Variants in OR10A2 observed in about 807,000 individuals in gnomAD.
OR10A2 encodes olfactory receptor 10A2.
Under a neutral mutation model 13.7 loss-of-function variants are expected in OR10A2, and 15 were observed. The ratio of observed to expected loss-of-function variants is 1.10; its 90% CI spans 0.73 to 1.69. The LOEUF is 1.69. OR10A2 is among the 40% of genes most tolerant of loss of function. The probability of loss-of-function intolerance (pLI) is 0.00; values close to 1 mark genes in which losing one functional copy is unlikely to be tolerated. For synonymous variants in OR10A2, 145 were observed against 144.7 expected (o/e 1.00, Z -0.02); for missense variants, 343 against 361.1 (o/e 0.95, Z 0.41).
rs1048055345 is a variant in OR10A2 at position 6,863,351 on chromosome 11, G to C, written c.-133G>C. ...AAGGCAGATGTTCCTGTTGGACACA[G>C]GTAAGCCTTTTTTTTTTTTTTTTTT... On this transcript the variant is annotated splice_region_variant and 5_prime_UTR_variant, in exon 1 of 2. Coordinates refer to ENST00000641461, the MANE Select transcript of OR10A2 (RefSeq NM_001004460.2). 1 of 142,962 alleles carries C rather than the reference G, an allele frequency of 7.0e-6. No individual in the cohort carries two copies. The allele number at this position is 142,962 out of a possible 1,614,324, so 8.9% of individuals were successfully genotyped here. A position where few individuals can be genotyped will look rare whatever the true frequency, so the allele number is the denominator to read the frequency against.
chr11:6,863,357 C>CA lies in OR10A2; in HGVS notation c.-133+6_-133+7insA, dbSNP rs1848355186. Reference sequence around the variant, plus strand: ...GATGTTCCTGTTGGACACAGGTAAGCCTTTTTTTTTTTTTTTTTTTTTTTT... The same window carrying CA: ...GATGTTCCTGTTGGACACAGGTAAGCACTTTTTTTTTTTTTTTTTTTTTTTT... On this transcript the variant is annotated splice_region_variant and intron_variant, in intron 1 of 1. Coordinates refer to ENST00000641461, the MANE Select transcript of OR10A2 (RefSeq NM_001004460.2). 8.4e-6 allele frequency: 1 copy of CA among 119,530 alleles called. No homozygotes were observed. The highest frequency in any genetic ancestry group is 2.7e-4 in the South Asian group (1 of 3,650). The allele number at this position is 119,530 out of a possible 1,614,324, so 7.4% of individuals were successfully genotyped here. A position where few individuals can be genotyped will look rare whatever the true frequency, so the allele number is the denominator to read the frequency against.
At position 6,872,342 on chromosome 11, in the gene OR10A2, C is replaced by A. The variant is rs534210948; in HGVS notation, c.*1676C>A. The A allele has an allele frequency of 1.3e-5, 2 of 152,138 alleles. No individual in the cohort carries two copies. The highest frequency in any genetic ancestry group is 4.8e-5 in the African/African-American group (2 of 41,424). The allele number at this position is 152,138 out of a possible 1,614,324, so 9.4% of individuals were successfully genotyped here. A position where few individuals can be genotyped will look rare whatever the true frequency, so the allele number is the denominator to read the frequency against. ...GCAGAAATCACTCTTTCTGTATGCA[C>A]CCATTTCAAGTTTATTAATAAATAC... On this transcript the variant is annotated 3_prime_UTR_variant, in exon 2 of 2. Transcript: ENST00000641461.
intron 1 of OR10A2, among the ~76,000 whole-genome samples, chr11:6,863,686 G>A (rs561043055): frequency 1.4e-4 from 21 of 152,114 alleles, no homozygotes; most frequent in Admixed American, 3.9e-4. Flanking sequence ...CTTGATTTTC[G>A]TCTAAGTAAC....
chr11:6,867,005 T>C (rs1848384037), intron 1 of OR10A2, among the ~76,000 whole-genome samples: 1 of 152,098 alleles, frequency 6.6e-6, no homozygotes, highest in Admixed American at 6.5e-5. Context: ...TCATTATTCC[T>C]CTTATAATTG....
Position 6,869,979 on chromosome 11 carries a change from G to A in OR10A2, c.225G>A (p.Gln75=), listed in dbSNP as rs376808552. The A allele has an allele frequency of 4.2e-5, 67 of 1,613,990 alleles. No homozygotes were observed. Among genetic ancestry groups the A allele is most frequent in the Admixed American group, 1.7e-5 (1 of 60,000 alleles). The change falls in exon 2 of 2, where the codon CAG becomes CAA. Residue 75 remains glutamine, a synonymous_variant. Coordinates refer to ENST00000641461, the MANE Select transcript of OR10A2 (RefSeq NM_001004460.2). ...AAATGCTGGGGACCCTGCTTGCCCA[G>A]GACACAACCATCTCCTTCCTTGGCT... ...VPKMLGTLLA[Q]DTTISFLGCA...
At chr11:6,869,572 C>T (rs908255490) in intron 1 of OR10A2, 51 bp from the exon 2 acceptor site, 2 of 641,440 alleles carry the variant, frequency 3.1e-6, no homozygotes, top group East Asian at 2.6e-5. Flanking sequence ...CTTAGACAAC[C>T]CAAGGCACTT....
chr11:6,865,146 T>C (rs886628189), intron 1 of OR10A2, among the ~76,000 whole-genome samples: 4 of 144,464 alleles, frequency 2.8e-5, no homozygotes, highest in Admixed American at 6.9e-5. Context: ...TTCTTATATA[T>C]AAATATATAT....
intron 1 of OR10A2, among the ~76,000 whole-genome samples, chr11:6,865,907 T>C (rs540451619): frequency 6.6e-5 from 10 of 152,340 alleles, no homozygotes; most frequent in African/African-American, 2.2e-4. Flanking sequence ...TATCCAGACC[T>C]GCTTCCCTCT....
At chr11:6,867,619 T>C (rs12222384) in intron 1 of OR10A2, among the ~76,000 whole-genome samples, 42,717 of 152,194 alleles carry the variant, frequency 0.28, 6,249 homozygotes, top group East Asian at 0.41. Context: ...AAACAATTGA[T>C]TTGATATCTT....
chr11:6,863,406 A>G (rs887368222), intron 1 of OR10A2, 55 bp downstream of exon 1: 1 of 120,680 alleles, frequency 8.3e-6, no homozygotes, highest in African/African-American at 3.3e-5. Context: ...TGAATCTACC[A>G]GAGGCCACTC....
At chr11:6,867,650 A>G (rs774436580) in intron 1 of OR10A2, among the ~76,000 whole-genome samples, 3 of 152,186 alleles carry the variant, frequency 2.0e-5, no homozygotes, top group Admixed American at 6.5e-5. Context: ...TCATTAACCT[A>G]AAGTGTTTTG....
rs1848453140 is a variant in OR10A2 at position 6,873,130 on chromosome 11, T to G, written c.*2464T>G. ...CAGGCCAAGTATTTCCCTTTTAATA[T>G]GACGTAGGCATTCCTGAAAAGCTTA... On this transcript the variant is annotated 3_prime_UTR_variant, in exon 2 of 2. Coordinates refer to ENST00000641461, the MANE Select transcript of OR10A2 (RefSeq NM_001004460.2). 1 of 152,134 alleles carries G rather than the reference T, an allele frequency of 6.6e-6. No individual in the cohort carries two copies. The highest frequency in any genetic ancestry group is 6.5e-5 in the Admixed American group (1 of 15,274). 9.4% of individuals were successfully genotyped at this position (152,134 alleles called of 1,614,324 possible).
intron 1 of OR10A2, among the ~76,000 whole-genome samples, 183 bp from the exon 2 acceptor site, chr11:6,869,440 T>A (rs185006728): frequency 3.9e-5 from 6 of 152,348 alleles, no homozygotes; most frequent in African/African-American, 1.4e-4. Context: ...AAACTTGTGA[T>A]TCTGACTTTG....
Position 6,870,572 on chromosome 11 carries a change from AC to A in OR10A2, c.822del (p.Ile275LeufsTer5). On this transcript the variant is annotated frameshift_variant, in exon 2 of 2. Transcript: ENST00000641461. LOFTEE classifies it high-confidence loss of function. Reference sequence around the variant, plus strand: ...TACACTGTTATGACTCCCATGTTGAACCCCATTATCTACAGCCTGAGAAATA... The same window carrying A: ...TACACTGTTATGACTCCCATGTTGAACCCATTATCTACAGCCTGAGAAATA... ...LSYTVMTPML[N>X]PIIYSLRNNE... 1 of 1,613,898 alleles carries A rather than the reference AC, an allele frequency of 6.2e-7. No individual in the cohort carries two copies. The highest frequency in any genetic ancestry group is 8.5e-7 in the Non-Finnish European group (1 of 1,179,926).
In OR10A2 at chr11:6,873,036, T is replaced by G. The variant is rs553842127; in HGVS notation, c.*2370T>G. On this transcript the variant is annotated 3_prime_UTR_variant, in exon 2 of 2. Transcript: ENST00000641461. ...AGATGCAGTTTTACCATGTTGGAGC[T>G]CCTGGCCTCAAGTGATCTGCCTGCC... 1 of 151,798 alleles carries G rather than the reference T, an allele frequency of 6.6e-6. No individual in the cohort carries two copies. Among genetic ancestry groups the G allele is most frequent in the East Asian group, 1.9e-4 (1 of 5,132 alleles). 9.4% of individuals were successfully genotyped at this position (151,798 alleles called of 1,614,324 possible).
Position 6,870,166 on chromosome 11 carries a change from C to A in OR10A2, c.412C>A (p.Pro138Thr), listed in dbSNP as rs533720354. ...CAAACTGGCTGCTGCCTCCTGGTTCCCAGGCTTTCCTGTAGCTACTGTGCA... is the reference window on the plus strand; with the variant it reads ...CAAACTGGCTGCTGCCTCCTGGTTCACAGGCTTTCCTGTAGCTACTGTGCA... ...RAKLAAASWF[P>T]GFPVATVQTT... The change falls in exon 2 of 2, where the codon CCA (proline) becomes ACA (threonine). Residue 138 changes from proline (P) to threonine (T), a missense_variant. Physicochemically the swap from Pro to Thr is conservative, Grantham distance 38. Transcript: ENST00000641461. 1 of 1,614,244 alleles carries A rather than the reference C, an allele frequency of 6.2e-7. No homozygotes were observed. Among genetic ancestry groups the A allele is most frequent in the Non-Finnish European group, 8.5e-7 (1 of 1,180,040 alleles).
At position 6,872,425 on chromosome 11, in the gene OR10A2, T is replaced by C. The variant is rs1379481934; in HGVS notation, c.*1759T>C. On this transcript the variant is annotated 3_prime_UTR_variant, in exon 2 of 2. Coordinates refer to ENST00000641461, the MANE Select transcript of OR10A2 (RefSeq NM_001004460.2). ...GTACATGTACTTATTTTTACATGTTTGTCTTCCTCCAACTTTTCTGTAACT... is the reference window on the plus strand; with the variant it reads ...GTACATGTACTTATTTTTACATGTTCGTCTTCCTCCAACTTTTCTGTAACT... 1.3e-5 allele frequency: 2 copies of C among 152,248 alleles called. No homozygotes were observed. Among genetic ancestry groups the C allele is most frequent in the Admixed American group, 1.3e-4 (2 of 15,286 alleles). 9.4% of individuals were successfully genotyped at this position (152,248 alleles called of 1,614,324 possible).
At chr11:6,867,270 G>C (rs780641229) in intron 1 of OR10A2, among the ~76,000 whole-genome samples, 1 of 151,886 alleles carries the variant, frequency 6.6e-6, no homozygotes, top group Non-Finnish European at 1.5e-5. Flanking sequence ...AGAATGCAGC[G>C]GTGCAGTCTT....
In OR10A2 at chr11:6,869,628, A is replaced by G. The variant is rs753560748; in HGVS notation, c.-127A>G. ...CTTGCCTCTTTCCCTGACAGTAAGA[A>G]CGAGTCTGAAAAACAAATTGAGAAT... On this transcript the variant is annotated 5_prime_UTR_variant, in exon 2 of 2. Transcript: ENST00000641461. 4.6e-6 allele frequency: 4 copies of G among 863,586 alleles called. No homozygotes were observed. Among genetic ancestry groups the G allele is most frequent in the Non-Finnish European group, 7.4e-6 (4 of 537,972 alleles). The allele number at this position is 863,586 out of a possible 1,614,324, so 53.5% of individuals were successfully genotyped here.
Sources: allele counts gnomAD v4.1 joint callset (sites outside exome capture counted in the v4.1 genomes callset), GRCh38; gene constraint gnomAD v4.1.1; transcripts MANE v1.5; gene names NCBI Gene and HGNC (gene_info 2026-07-23, HGNC 2026-07-21).